The following FYCO1 variants were observed in gnomAD, a reference collection of about 807,000 sequenced individuals.
The protein encoded by FYCO1 is FYVE and coiled-coil domain-containing protein 1.
Under a neutral mutation model 165.1 loss-of-function variants are expected in FYCO1, and 122 were observed. The ratio of observed to expected loss-of-function variants is 0.74; its 90% CI spans 0.64 to 0.86. FYCO1 has a LOEUF of 0.86. Among genes scored for constraint, FYCO1 ranks in the 40% least tolerant of loss-of-function variants. FYCO1 has a pLI of 0.00. For missense variants in FYCO1, 1,702 were observed against 1,810.3 expected (o/e 0.94, Z 1.09); for synonymous variants, 648 against 742.5 (o/e 0.87, Z 2.07).
At chr3:45,944,982 C>A (rs569577827) in intron 14 of FYCO1, 1 of 152,170 alleles carries the variant, frequency 6.6e-6, no homozygotes, top group Admixed American at 6.5e-5. Flanking sequence ...TGACCTATCA[C>A]CCTTAGAGAT....
chr3:45,976,017 A>G (rs927366624), intron 4 of FYCO1, among the ~76,000 whole-genome samples: 2 of 152,216 alleles, frequency 1.3e-5, no homozygotes, highest in African/African-American at 4.8e-5. Context: ...CCTGTTCTTT[A>G]TCAGATATGC....
At chr3:45,972,584 G>A (rs896610935) in intron 6 of FYCO1, among the ~76,000 whole-genome samples, 2 of 152,216 alleles carry the variant, frequency 1.3e-5, no homozygotes, top group Non-Finnish European at 2.9e-5. Context: ...TGGAGCTCAT[G>A]TAAGGACTCT....
intron 3 of FYCO1, among the ~76,000 whole-genome samples, 166 bp downstream of exon 3, chr3:45,981,403 CT>C (rs1343040181): frequency 6.6e-6 from 1 of 152,200 alleles, no homozygotes; most frequent in African/African-American, 2.4e-5. Context: ...AAGGATCACA[CT>C]TGGAGGATTG....
At chr3:45,952,718 G>C (rs1705101014) in intron 14 of FYCO1, among the ~76,000 whole-genome samples, 1 of 152,182 alleles carries the variant, frequency 6.6e-6, no homozygotes, top group Non-Finnish European at 1.5e-5. Flanking sequence ...GGTAAGGAGA[G>C]AGAGAGCTGT....
chr3:45,924,837 T>G (rs1575323917), intron 16 of FYCO1, among the ~76,000 whole-genome samples: 1 of 152,096 alleles, frequency 6.6e-6, no homozygotes, highest in East Asian at 1.9e-4. Context: ...GGTATCGAAC[T>G]CCTGACCTCA....
At chr3:45,992,312 G>A (rs1019807806) in intron 1 of FYCO1, among the ~76,000 whole-genome samples, 1 of 152,176 alleles carries the variant, frequency 6.6e-6, no homozygotes, top group Non-Finnish European at 1.5e-5. Flanking sequence ...TGCCAGCGTA[G>A]GTGCAGAGAG....
chr3:45,959,366 G>A (rs1248093481), intron 12 of FYCO1, 27 bp downstream of exon 12: 2 of 1,613,326 alleles, frequency 1.2e-6, no homozygotes. Flanking sequence ...CAGGGTGTTG[G>A]TGCCAACCCA....
In FYCO1 at chr3:45,990,948, TA is replaced by T. The variant is rs750413254; in HGVS notation, c.-113+4773del. Among the ~76,000 whole-genome samples, 249 of 151,992 alleles carry T rather than the reference TA, an allele frequency of 1.6e-3. 1 individual carries two copies. Among genetic ancestry groups the T allele is most frequent in the Middle Eastern group, 0.01 (3 of 294 alleles). On this transcript the variant is annotated intron_variant, in intron 1 of 17. Coordinates refer to ENST00000296137, the MANE Select transcript of FYCO1 (RefSeq NM_024513.4). ...CCACCACGACTGGCAATTTTTTTTT[TA>T]AATGTATTTTAGTAGAGACGGGGTT...
chr3:45,948,731 C>T (rs1385494502), intron 14 of FYCO1, among the ~76,000 whole-genome samples: 2 of 152,210 alleles, frequency 1.3e-5, no homozygotes, highest in African/African-American at 4.8e-5. Flanking sequence ...AAGTAGAATG[C>T]GCAGAGAAGT....
Position 45,962,474 on chromosome 3 carries a change from G to T in FYCO1, c.3270-82C>A. On this transcript the variant is annotated intron_variant, in intron 10 of 17. Coordinates refer to ENST00000296137, the MANE Select transcript of FYCO1 (RefSeq NM_024513.4). This position sits in a 1 kb window ranked among gnomAD's most constrained non-coding sequence, Gnocchi z 4.4. ...CTCTAAGCTCACCCAGGACTCTAAT[G>T]AGGGGTGCTACTGCCCTCCGCCATG... 7.8e-7 allele frequency: 1 copy of T among 1,282,068 alleles called. No individual in the cohort carries two copies. The highest frequency in any genetic ancestry group is 1.1e-6 in the Non-Finnish European group (1 of 877,898). 79.4% of individuals were successfully genotyped at this position (1,282,068 alleles called of 1,614,324 possible).
rs1705564166 is a variant in FYCO1 at position 45,959,431 on chromosome 3, C to T, written c.3549G>A (p.Lys1183=). The T allele has an allele frequency of 1.2e-6, 2 of 1,613,990 alleles. No homozygotes were observed. Among genetic ancestry groups the T allele is most frequent in the Non-Finnish European group, 8.5e-7 (1 of 1,180,058 alleles). The change falls in exon 12 of 18, where the codon AAG becomes AAA. Residue 1183 remains lysine, a synonymous_variant. Transcript: ENST00000296137. ...DTEANHCLDC[K]REFSWMVRRH... ...GCCGCACCATCCAGCTGAACTCCCGCTTACAGTCGAGGCAGTGGTTTGCCT... is the reference window on the plus strand; with the variant it reads ...GCCGCACCATCCAGCTGAACTCCCGTTTACAGTCGAGGCAGTGGTTTGCCT...
intron 6 of FYCO1, among the ~76,000 whole-genome samples, chr3:45,971,034 A>G (rs2125856843): frequency 6.6e-6 from 1 of 150,804 alleles, no homozygotes; most frequent in South Asian, 2.3e-4. Context: ...TAGCTGATCT[A>G]TAATATTTTA....
intron 14 of FYCO1, among the ~76,000 whole-genome samples, chr3:45,955,040 C>T (rs1415131050): frequency 1.3e-5 from 2 of 152,232 alleles, no homozygotes; most frequent in Non-Finnish European, 1.5e-5. Flanking sequence ...AACCTGGGGC[C>T]ACTGACATCT....
At chr3:45,926,431 AAT>A (rs1410762570) in intron 16 of FYCO1, among the ~76,000 whole-genome samples, 1 of 152,260 alleles carries the variant, frequency 6.6e-6, no homozygotes, top group Non-Finnish European at 1.5e-5. Flanking sequence ...CATAATGATA[AAT>A]ATGTCAGTTC....
chr3:45,956,146 G>C (rs1338789420), intron 13 of FYCO1, among the ~76,000 whole-genome samples: 1 of 152,032 alleles, frequency 6.6e-6, no homozygotes, highest in Non-Finnish European at 1.5e-5. Context: ...TACCAGCCTG[G>C]CCAACTTGAT....
chr3:45,938,156 T>A, intron 14 of FYCO1: 2 of 1,211,632 alleles, frequency 1.7e-6, no homozygotes, highest in Non-Finnish European at 1.1e-6. Flanking sequence ...TCCATCACCC[T>A]CCTCCCTGAC....
rs1706200877 is a variant in FYCO1 at position 45,968,119 on chromosome 3, C to T, written c.1215G>A (p.Glu405=). ...DAAQEMQELG[E]KLQALERERT... ...TCTCCCTTTCTAGGGCTTGAAGCTT[C>T]TCCCCTAGCTCCTGCATCTCCTGGG... is the stretch of plus-strand genomic sequence containing the variant. Residue 405 remains glutamate, a synonymous_variant, in exon 8 of 18, where the codon GAG becomes GAA. Transcript: ENST00000296137. The T allele has an allele frequency of 6.2e-7, 1 of 1,614,162 alleles. No homozygotes were observed. The highest frequency in any genetic ancestry group is 2.2e-5 in the East Asian group (1 of 44,882).
intron 4 of FYCO1, among the ~76,000 whole-genome samples, chr3:45,978,889 C>T (rs1180252188): frequency 1.3e-5 from 2 of 148,644 alleles, no homozygotes; most frequent in Non-Finnish European, 3.0e-5. Flanking sequence ...CGGAGTCTCG[C>T]TCTGTCGCCC....
At chr3:45,923,402 C>T (rs761122655) in intron 17 of FYCO1, among the ~76,000 whole-genome samples, 28 of 152,204 alleles carry the variant, frequency 1.8e-4, no homozygotes, top group Non-Finnish European at 2.9e-4. Flanking sequence ...TCCAGCTCCA[C>T]CACTGGCTCT....
Sources: gnomAD v4.1 joint callset for allele counts (sites outside exome capture counted in the v4.1 genomes callset) on GRCh38, gnomAD v4.1.1 for gene constraint, Gnocchi (gnomAD v3.1) non-coding constraint, MANE v1.5 for transcripts, NCBI Gene and HGNC (gene_info 2026-07-23, HGNC 2026-07-21) for gene names.